Variants in KBTBD2 observed in about 807,000 individuals in gnomAD.
The protein encoded by KBTBD2 is kelch repeat and BTB domain containing 2, also known as kelch repeat and BTB domain-containing protein 2.
Under a neutral mutation model 57.1 loss-of-function variants are expected in KBTBD2, and 17 were observed. The observed-to-expected ratio is 0.30, with a 90% CI of 0.20 to 0.45. The LOEUF (loss-of-function observed/expected upper bound fraction) is 0.45, where lower values mean the gene tolerates loss of function less well. KBTBD2 is among the 20% of genes least tolerant of loss of function. The pLI is 1.00. For missense variants in KBTBD2, 515 were observed against 750.6 expected (o/e 0.69, Z 3.67); for synonymous variants, 267 against 262.7 (o/e 1.02, Z -0.16).
chr7:32,891,897 CCCCCGCCCCCGCCGCGCGCTCT>C (rs1194041184), upstream of KBTBD2: 2 of 119,280 alleles, frequency 1.7e-5, no homozygotes, highest in African/African-American at 6.7e-5. Context: ...GCCGCCCCCG[CCCCCGCCCCCGCCGCGCGCTCT>C]CGCCCCCGCC....
chr7:32,880,086 T>C (rs1784410065), intron 1 of KBTBD2, 144 bp from the exon 2 acceptor site: 1 of 152,256 alleles, frequency 6.6e-6, no homozygotes, highest in Admixed American at 6.6e-5. Flanking sequence ...ATGACAAAAA[T>C]GAAGATTCTT....
chr7:32,891,881 G>GCCCCCGCCGCCCCCGCCC (rs1784763840), upstream of KBTBD2: 1 of 87,176 alleles, frequency 1.1e-5, no homozygotes, highest in African/African-American at 4.6e-5. Flanking sequence ...CGGGCCCGCC[G>GCCCCCGCCGCCCCCGCCC]CCCCCGCCGC....
At position 32,879,706 on chromosome 7, in the gene KBTBD2, G is replaced by GT; in HGVS notation, c.-103dup. On this transcript the variant is annotated 5_prime_UTR_variant, in exon 2 of 4. The change creates a premature stop within an existing upstream ORF in the 5' untranslated region. Coordinates refer to ENST00000304056, the MANE Select transcript of KBTBD2 (RefSeq NM_015483.3). ...AGAAATAAAGGAGAACCTACTTGCT[G>GT]TTATCTGCAGCATTCAGTACCAAGA... 1 of 881,198 alleles carries GT rather than the reference G, an allele frequency of 1.1e-6. No homozygotes were observed. The highest frequency in any genetic ancestry group is 1.8e-6 in the Non-Finnish European group (1 of 560,646). The allele number at this position is 881,198 out of a possible 1,614,324, so 54.6% of individuals were successfully genotyped here. A position where few individuals can be genotyped will look rare whatever the true frequency, so the allele number is the denominator to read the frequency against.
chr7:32,876,912 G>A (rs1406905456), intron 2 of KBTBD2, among the ~76,000 whole-genome samples: 2 of 152,088 alleles, frequency 1.3e-5, no homozygotes, highest in Non-Finnish European at 2.9e-5. Flanking sequence ...AGCCAAGATC[G>A]AGCCACTGCA....
chr7:32,882,126 G>A (rs1471749779), intron 1 of KBTBD2, among the ~76,000 whole-genome samples: 1 of 151,832 alleles, frequency 6.6e-6, no homozygotes, highest in Non-Finnish European at 1.5e-5. Flanking sequence ...AAAATTGCAA[G>A]TATTAATAAT....
At chr7:32,877,016 T>C (rs540279807) in intron 2 of KBTBD2, among the ~76,000 whole-genome samples, 3 of 137,702 alleles carry the variant, frequency 2.2e-5, no homozygotes, top group Non-Finnish European at 3.1e-5. Context: ...TAGGATCTGG[T>C]GCTTTTCTTT....
At chr7:32,874,154 C>T in intron 3 of KBTBD2, among the ~76,000 whole-genome samples, 1 of 152,096 alleles carries the variant, frequency 6.6e-6, no homozygotes, top group East Asian at 1.9e-4. Flanking sequence ...AATCCCAGCA[C>T]TTTGGGAGGC....
chr7:32,880,134 G>C (rs1485454785), intron 1 of KBTBD2, among the ~76,000 whole-genome samples, 192 bp from the exon 2 acceptor site: 1 of 152,034 alleles, frequency 6.6e-6, no homozygotes, highest in Non-Finnish European at 1.5e-5. Context: ...AAAATTACCA[G>C]TTGTAATTTC....
chr7:32,873,181 A>G (rs1477444614), intron 3 of KBTBD2, among the ~76,000 whole-genome samples: 32 of 152,190 alleles, frequency 2.1e-4, no homozygotes, highest in Admixed American at 2.0e-3. Flanking sequence ...TCCTCTTAAA[A>G]TTTAAAAAGG....
At chr7:32,891,322 G>A (rs978358176) in intron 1 of KBTBD2, among the ~76,000 whole-genome samples, 6 of 148,094 alleles carry the variant, frequency 4.1e-5, no homozygotes, top group Non-Finnish European at 6.0e-5. Flanking sequence ...GCCGCCCTGG[G>A]GCCGCCGCGG....
At chr7:32,878,990 AGT>A (rs1444594521) in intron 2 of KBTBD2, among the ~76,000 whole-genome samples, 1 of 152,220 alleles carries the variant, frequency 6.6e-6, no homozygotes. Flanking sequence ...AATAGTAAAG[AGT>A]GAGAAAAAAT....
rs1295710654 is a variant in KBTBD2 at position 32,868,944 on chromosome 7, TCAGAA to T, written c.*396_*400del. 6.2e-6 allele frequency: 1 copy of T among 160,196 alleles called. No individual in the cohort carries two copies. Among genetic ancestry groups the T allele is most frequent in the East Asian group, 1.8e-4 (1 of 5,432 alleles). The allele number at this position is 160,196 out of a possible 1,614,324, so 9.9% of individuals were successfully genotyped here. A position where few individuals can be genotyped will look rare whatever the true frequency, so the allele number is the denominator to read the frequency against. Reference sequence around the variant, plus strand: ...ACACTGAAAACTGTATTCCAGGACTTCAGAACAGAAGCACGGGAATGAAACACACA... The same window carrying T: ...ACACTGAAAACTGTATTCCAGGACTTCAGAAGCACGGGAATGAAACACACA... On this transcript the variant is annotated 3_prime_UTR_variant, in exon 4 of 4. Coordinates refer to ENST00000304056, the MANE Select transcript of KBTBD2 (RefSeq NM_015483.3).
At chr7:32,882,615 A>T (rs1005371555) in intron 1 of KBTBD2, among the ~76,000 whole-genome samples, 2 of 152,246 alleles carry the variant, frequency 1.3e-5, no homozygotes, top group Non-Finnish European at 2.9e-5. Context: ...CAGCCTACGT[A>T]AAAGTTACCT....
chr7:32,884,546 C>G (rs1308686158), intron 1 of KBTBD2, among the ~76,000 whole-genome samples: 1 of 151,660 alleles, frequency 6.6e-6, no homozygotes, highest in Non-Finnish European at 1.5e-5. Flanking sequence ...AAAAATTAGC[C>G]TGGTGTGATG....
intron 2 of KBTBD2, among the ~76,000 whole-genome samples, chr7:32,878,582 CA>C (rs5883373): frequency 3.5e-5 from 5 of 141,844 alleles, no homozygotes; most frequent in East Asian, 2.0e-4. Context: ...GAGATCGTCT[CA>C]AAAAAAAAAA....
At chr7:32,885,909 C>CACT (rs370535199) in intron 1 of KBTBD2, among the ~76,000 whole-genome samples, 1 of 141,612 alleles carries the variant, frequency 7.1e-6, no homozygotes, top group Non-Finnish European at 1.5e-5. Flanking sequence ...TGTCTACACA[C>CACT]TTTTTTTTTT....
chr7:32,874,114 T>C (rs1386889104), intron 3 of KBTBD2, among the ~76,000 whole-genome samples: 1 of 151,456 alleles, frequency 6.6e-6, no homozygotes, highest in Admixed American at 6.6e-5. Context: ...AATAAAAATA[T>C]TGGCCCAGGG....
At chr7:32,871,357 G>A (rs1454793949) in intron 3 of KBTBD2, among the ~76,000 whole-genome samples, 1 of 152,152 alleles carries the variant, frequency 6.6e-6, no homozygotes, top group Non-Finnish European at 1.5e-5. Flanking sequence ...GTAGTTATTT[G>A]CCATTCTTAT....
intron 1 of KBTBD2, among the ~76,000 whole-genome samples, chr7:32,884,978 A>G (rs144018559): frequency 0.5 from 62,735 of 126,142 alleles, 16,128 homozygotes; most frequent in Admixed American, 0.63. Flanking sequence ...ATGTGTGTGT[A>G]TATATATATA....
Sources: allele counts gnomAD v4.1 joint callset (sites outside exome capture counted in the v4.1 genomes callset), GRCh38; gene constraint gnomAD v4.1.1; transcripts MANE v1.5; gene names NCBI Gene and HGNC (gene_info 2026-07-23, HGNC 2026-07-21).